Variants in RABGAP1L observed in about 807,000 individuals in gnomAD.
RABGAP1L encodes RAB GTPase activating protein 1 like, also known as rab GTPase-activating protein 1-like.
In RABGAP1L, 63 loss-of-function variants were observed where a neutral mutation model predicts 137.7. The ratio of observed to expected loss-of-function variants is 0.46; its 90% CI spans 0.37 to 0.56. The LOEUF is 0.56. Ranked by LOEUF, RABGAP1L falls within the 20% of genes least tolerant of loss-of-function variation. The pLI, the probability that RABGAP1L is intolerant of heterozygous loss-of-function variation, is 0.00. For synonymous variants in RABGAP1L, 431 were observed against 433.7 expected (o/e 0.99, Z 0.08); for missense variants, 1,095 against 1,244.0 (o/e 0.88, Z 1.80).
At chr1:174,492,553 T>TTAGCCAGGCTGGTCC (rs1447892064) in intron 13 of RABGAP1L, among the ~76,000 whole-genome samples, 5 of 152,044 alleles carry the variant, frequency 3.3e-5, no homozygotes, top group African/African-American at 1.2e-4. Context: ...TTTCACTGTG[T>TTAGCCAGGCTGGTCC]TAGCCAGGCT....
intron 14 of RABGAP1L, among the ~76,000 whole-genome samples, 199 bp from the exon 15 acceptor site, chr1:174,683,323 A>G (rs1678225962): frequency 6.6e-6 from 1 of 152,012 alleles, no homozygotes; most frequent in Non-Finnish European, 1.5e-5. Context: ...GGATAAAGGG[A>G]CATAGAGCTG....
chr1:174,371,005 A>G lies in RABGAP1L; in HGVS notation c.1492A>G (p.Thr498Ala). Residue 498 changes from threonine to alanine, a missense_variant, in exon 12 of 26, where the codon ACA becomes GCA. Physicochemically the swap from Thr to Ala is moderately conservative, Grantham distance 58. Transcript: ENST00000681986. ...GAGTGATAATGAACTCTCAAGTGGA[A>G]CAGGTGATGTGTCTAAGGATTGTCC... ...EESDNELSSG[T>A]GDVSKDCPEK... 4 of 1,492,480 alleles carry G rather than the reference A, an allele frequency of 2.7e-6. No homozygotes were observed. Among genetic ancestry groups the G allele is most frequent in the South Asian group, 3.0e-5 (2 of 67,218 alleles). The allele number at this position is 1,492,480 out of a possible 1,614,324, so 92.5% of individuals were successfully genotyped here. A position where few individuals can be genotyped will look rare whatever the true frequency, so the allele number is the denominator to read the frequency against.
chr1:174,417,010 C>T (rs1406689579), intron 13 of RABGAP1L, among the ~76,000 whole-genome samples: 1 of 151,784 alleles, frequency 6.6e-6, no homozygotes, highest in East Asian at 1.9e-4. Context: ...ACGTATACAC[C>T]ATCACAAGTT....
Position 174,480,103 on chromosome 1 carries a change from A to G in RABGAP1L, c.1710+85958A>G, listed in dbSNP as rs537836243. Among the ~76,000 whole-genome samples the G allele has an allele frequency of 7.2e-5, 11 of 152,278 alleles. No individual in the cohort carries two copies. In the East Asian group the frequency reaches 2.1e-3, roughly 29 times the overall value. On this transcript the variant is annotated intron_variant, in intron 13 of 25. Transcript: ENST00000681986. The stretch of plus-strand genomic sequence containing the variant: ...GTCACTCAGTGAATTTTTAAAAATT[A>G]TATCTTTTAATAACTTTAAGATTGA...
At chr1:174,485,162 T>C (rs1659502638) in intron 13 of RABGAP1L, among the ~76,000 whole-genome samples, 1 of 152,204 alleles carries the variant, frequency 6.6e-6, no homozygotes, top group African/African-American at 2.4e-5. Context: ...TGTTTACTGT[T>C]ATAAAAATGG....
At chr1:174,374,636 G>T (rs1176512351) in intron 12 of RABGAP1L, among the ~76,000 whole-genome samples, 1 of 152,082 alleles carries the variant, frequency 6.6e-6, no homozygotes, top group African/African-American at 2.4e-5. Context: ...CTATCGGAGG[G>T]GAATATAATT....
Position 174,702,205 on chromosome 1 carries a change from C to G in RABGAP1L, c.2118C>G (p.Ala706=). ...AGTGGTTTCTCACTCTTTTTACTGC[C>G]AAGTTCCCACTCTGCATGGTGTTCC... ...ASQWFLTLFT[A]KFPLCMVFHI... is the part of the protein sequence containing the mutation. Residue 706 remains alanine (A), a synonymous_variant, in exon 17 of 26, where the codon GCC becomes GCG. Coordinates refer to ENST00000681986, the MANE Select transcript of RABGAP1L (RefSeq NM_001366446.1). 6.2e-7 allele frequency: 1 copy of G among 1,612,334 alleles called. No homozygotes were observed. The highest frequency in any genetic ancestry group is 8.5e-7 in the Non-Finnish European group (1 of 1,178,992).
At chr1:174,611,537 G>A (rs868544235) in intron 13 of RABGAP1L, among the ~76,000 whole-genome samples, 3,040 of 148,334 alleles carry the variant, frequency 0.02, 49 homozygotes, top group Middle Eastern at 0.081. Context: ...TTGGCGATGC[G>A]GGCTCTTTTT....
At chr1:174,412,685 G>C (rs918737835) in intron 13 of RABGAP1L, among the ~76,000 whole-genome samples, 1 of 151,940 alleles carries the variant, frequency 6.6e-6, no homozygotes, top group Admixed American at 6.6e-5. Context: ...GCACTTGCTC[G>C]TCTGAAAAAG....
At chr1:174,318,939 A>G (rs1679679824) in intron 11 of RABGAP1L, among the ~76,000 whole-genome samples, 1 of 151,972 alleles carries the variant, frequency 6.6e-6, no homozygotes, top group African/African-American at 2.4e-5. Flanking sequence ...TTTAAAAATT[A>G]TTATACCTAT....
At chr1:174,903,892 G>A (rs1323869984) in intron 19 of RABGAP1L, among the ~76,000 whole-genome samples, 1 of 151,584 alleles carries the variant, frequency 6.6e-6, no homozygotes, top group African/African-American at 2.4e-5. Context: ...GGAGGTTTTG[G>A]TGAGCTGAGA....
At chr1:174,825,460 G>A (rs555376426) in intron 19 of RABGAP1L, among the ~76,000 whole-genome samples, 68 of 152,264 alleles carry the variant, frequency 4.5e-4, no homozygotes, top group African/African-American at 1.6e-3. Flanking sequence ...TACAAAATTG[G>A]TTCCTGAAGA....
At chr1:174,493,333 C>T (rs1451204411) in intron 13 of RABGAP1L, among the ~76,000 whole-genome samples, 1 of 151,314 alleles carries the variant, frequency 6.6e-6, no homozygotes, top group African/African-American at 2.4e-5. Flanking sequence ...TGTACTTCAG[C>T]CTGGGCAACA....
intron 19 of RABGAP1L, among the ~76,000 whole-genome samples, chr1:174,867,449 A>T (rs1651467100): frequency 6.6e-6 from 1 of 152,230 alleles, no homozygotes; most frequent in Non-Finnish European, 1.5e-5. Context: ...TACTAAGATA[A>T]GAGAAATATA....
intron 13 of RABGAP1L, among the ~76,000 whole-genome samples, chr1:174,631,848 A>G (rs943823710): frequency 9.3e-5 from 14 of 150,976 alleles, no homozygotes; most frequent in South Asian, 2.1e-4. Context: ...TCTTTATCCA[A>G]TTTGCCAGTC....
intron 13 of RABGAP1L, among the ~76,000 whole-genome samples, chr1:174,425,897 T>A (rs940938637): frequency 1.3e-5 from 2 of 152,020 alleles, no homozygotes; most frequent in Non-Finnish European, 2.9e-5. Context: ...TAAACAAATG[T>A]TAGTTGTAAC....
At chr1:174,803,939 G>A (rs534241429) in intron 18 of RABGAP1L, among the ~76,000 whole-genome samples, 2 of 152,000 alleles carry the variant, frequency 1.3e-5, no homozygotes, top group South Asian at 4.2e-4. Flanking sequence ...CAGGTGTGGG[G>A]GTGGGCGCCT....
At chr1:174,823,066 A>G (rs996730685) in intron 19 of RABGAP1L, among the ~76,000 whole-genome samples, 1 of 152,240 alleles carries the variant, frequency 6.6e-6, no homozygotes, top group African/African-American at 2.4e-5. Flanking sequence ...AATTGGAACT[A>G]TGTGCATTCC....
intron 13 of RABGAP1L, among the ~76,000 whole-genome samples, chr1:174,530,841 ACG>A (rs1664338755): frequency 1.4e-5 from 2 of 141,246 alleles, no homozygotes; most frequent in East Asian, 2.1e-4. Flanking sequence ...ATACATACGT[ACG>A]TTTGTGTAGG....
Sources: gnomAD v4.1 joint callset for allele counts (sites outside exome capture counted in the v4.1 genomes callset) on GRCh38, gnomAD v4.1.1 for gene constraint, MANE v1.5 for transcripts, NCBI Gene and HGNC (gene_info 2026-07-23, HGNC 2026-07-21) for gene names.